DLG2: variants seen among roughly 807,000 people sequenced by gnomAD.
DLG2 encodes the protein discs large MAGUK scaffold protein 2.
In DLG2, 45 loss-of-function variants were observed where a neutral mutation model predicts 132.5. The observed-to-expected ratio is 0.34, with a 90% CI of 0.27 to 0.44. DLG2 has a LOEUF of 0.44. Ranked by LOEUF, DLG2 falls within the 20% of genes least tolerant of loss-of-function variation. The probability of loss-of-function intolerance (pLI) is 1.00; values close to 1 mark genes in which losing one functional copy is unlikely to be tolerated. For synonymous variants in DLG2, 424 were observed against 419.6 expected (o/e 1.01, Z -0.13); for missense variants, 1,045 against 1,196.9 (o/e 0.87, Z 1.87).
intron 6 of DLG2, among the ~76,000 whole-genome samples, chr11:84,589,804 T>C (rs2099538612): frequency 6.6e-6 from 1 of 152,228 alleles, no homozygotes; most frequent in Non-Finnish European, 1.5e-5. Flanking sequence ...TCAATGTTTA[T>C]GAGACAATTG....
intron 15 of DLG2, among the ~76,000 whole-genome samples, chr11:83,898,650 CAACTT>C (rs1436392898): frequency 6.6e-6 from 1 of 151,726 alleles, no homozygotes; most frequent in Non-Finnish European, 1.5e-5. Flanking sequence ...TTCCAATAAT[CAACTT>C]AACATTTATC....
At chr11:83,987,788 C>A (rs1318484559) in intron 11 of DLG2, among the ~76,000 whole-genome samples, 1 of 152,068 alleles carries the variant, frequency 6.6e-6, no homozygotes, top group African/African-American at 2.4e-5. Flanking sequence ...TAGGCATGGG[C>A]AAGGACTTTT....
At chr11:84,849,162 C>G (rs1018209948) in intron 6 of DLG2, among the ~76,000 whole-genome samples, 1 of 152,150 alleles carries the variant, frequency 6.6e-6, no homozygotes, top group East Asian at 1.9e-4. Flanking sequence ...TCTGAACCAA[C>G]AGTCAAACAG....
At chr11:84,615,128 T>C (rs893061131) in intron 6 of DLG2, among the ~76,000 whole-genome samples, 3 of 152,132 alleles carry the variant, frequency 2.0e-5, no homozygotes, top group South Asian at 4.1e-4. Flanking sequence ...TGTATGACAG[T>C]TATGTGAAAA....
chr11:84,862,855 T>G (rs993938223), intron 6 of DLG2, among the ~76,000 whole-genome samples: 2 of 148,568 alleles, frequency 1.3e-5, no homozygotes, highest in African/African-American at 2.5e-5. Context: ...GGAATAGCAT[T>G]AGGAGAAATA....
At chr11:84,853,904 GA>G (rs1246542483) in intron 6 of DLG2, among the ~76,000 whole-genome samples, 1 of 152,014 alleles carries the variant, frequency 6.6e-6, no homozygotes, top group African/African-American at 2.4e-5. Context: ...ATCCGAGTGG[GA>G]GTTAGATGAT....
intron 4 of DLG2, among the ~76,000 whole-genome samples, chr11:85,256,866 T>G (rs1002167477): frequency 1.3e-5 from 2 of 150,758 alleles, no homozygotes; most frequent in Non-Finnish European, 2.9e-5. Context: ...GCTCAAGAGA[T>G]AATTAATCAG....
chr11:85,207,446 C>T (rs912399398), intron 4 of DLG2, among the ~76,000 whole-genome samples: 1 of 152,164 alleles, frequency 6.6e-6, no homozygotes. Flanking sequence ...AAAACTACTC[C>T]TTCTATATTT....
At position 84,481,753 on chromosome 11, in the gene DLG2, A is replaced by T. The variant is rs373813966; in HGVS notation, c.519+52817T>A. 1.8e-4 allele frequency among the ~76,000 whole-genome samples: 28 copies of T among 152,222 alleles called. No individual in the cohort carries two copies. In the East Asian group the frequency reaches 2.3e-3, roughly 13 times the overall value. On this transcript the variant is annotated intron_variant, in intron 7 of 27. Transcript: ENST00000376104. Reference sequence around the variant, plus strand: ...TATAGCATTTTCTGCATTCTATCAAAATTGCTTATGTTTCTCTTTCCCCCA... The same window carrying T: ...TATAGCATTTTCTGCATTCTATCAATATTGCTTATGTTTCTCTTTCCCCCA...
chr11:85,141,514 C>T (rs138248224), intron 5 of DLG2, among the ~76,000 whole-genome samples: 1 of 151,540 alleles, frequency 6.6e-6, no homozygotes, highest in East Asian at 1.9e-4. Flanking sequence ...TAATTTGTCT[C>T]ATTTGTTGAT....
intron 9 of DLG2, among the ~76,000 whole-genome samples, chr11:84,149,895 T>C (rs1014367058): frequency 6.6e-6 from 1 of 152,016 alleles, no homozygotes; most frequent in Non-Finnish European, 1.5e-5. Flanking sequence ...GTAGCTGGGA[T>C]TACAGGCACA....
At chr11:84,556,636 G>T (rs1354038448) in intron 6 of DLG2, among the ~76,000 whole-genome samples, 1 of 152,204 alleles carries the variant, frequency 6.6e-6, no homozygotes, top group Non-Finnish European at 1.5e-5. Flanking sequence ...ACAGGCCGCA[G>T]GTTGGACAAG....
rs149365710 is a variant in DLG2, at chr11:84,335,397, G to A, written c.520-84106C>T. Among the ~76,000 whole-genome samples, 1,160 of 152,150 alleles carry A rather than the reference G, an allele frequency of 7.6e-3. 5 individuals are homozygous for A. The highest frequency in any genetic ancestry group is 8.5e-3 in the Non-Finnish European group (575 of 67,996). On this transcript the variant is annotated intron_variant, in intron 7 of 27. Transcript: ENST00000376104. ...GATAATCTTAAAAACAAAACACAAC[G>A]ACTCTCTGATTTTGATAGTAAGGTC... is the stretch of plus-strand genomic sequence containing the variant.
intron 11 of DLG2, among the ~76,000 whole-genome samples, chr11:84,053,071 T>C (rs1229568043): frequency 6.6e-6 from 1 of 152,028 alleles, no homozygotes; most frequent in East Asian, 1.9e-4. Flanking sequence ...CACCATGGAA[T>C]ACTATGCAGC....
At position 84,437,141 on chromosome 11, in the gene DLG2, T is replaced by C. The variant is rs1365063296; in HGVS notation, c.519+97429A>G. On this transcript the variant is annotated intron_variant, in intron 7 of 27. Transcript: ENST00000376104. ...GAATCTTAAGTCTCTGTGAAGACACTGTATCAGTTGATGATTTCACCACGC... is the reference window on the plus strand; with the variant it reads ...GAATCTTAAGTCTCTGTGAAGACACCGTATCAGTTGATGATTTCACCACGC... 2.0e-5 allele frequency among the ~76,000 whole-genome samples: 3 copies of C among 152,202 alleles called. No homozygotes were observed. The South Asian group carries it at 6.2e-4, about 32-fold the overall frequency.
At chr11:85,500,507 A>G (rs1290676580) in intron 3 of DLG2, among the ~76,000 whole-genome samples, 2 of 142,526 alleles carry the variant, frequency 1.4e-5, no homozygotes, top group Non-Finnish European at 3.0e-5. Flanking sequence ...TAACCTGCAC[A>G]ATGTGCACAT....
intron 7 of DLG2, among the ~76,000 whole-genome samples, chr11:84,507,847 T>C (rs77305064): frequency 6.6e-6 from 1 of 152,182 alleles, no homozygotes; most frequent in African/African-American, 2.4e-5. Context: ...TATTAACTTT[T>C]TGATGTGCTG....
intron 6 of DLG2, among the ~76,000 whole-genome samples, chr11:84,759,405 C>T (rs1163256648): frequency 6.6e-6 from 1 of 152,112 alleles, no homozygotes; most frequent in Non-Finnish European, 1.5e-5. Flanking sequence ...TTATGGTAAC[C>T]TCTCAATCAG....
At chr11:85,314,485 C>T (rs2080519522) in intron 3 of DLG2, among the ~76,000 whole-genome samples, 1 of 151,652 alleles carries the variant, frequency 6.6e-6, no homozygotes, top group Non-Finnish European at 1.5e-5. Context: ...TATACATGCA[C>T]ACACATATAC....
Sources: allele counts gnomAD v4.1 joint callset (sites outside exome capture counted in the v4.1 genomes callset), GRCh38; gene constraint gnomAD v4.1.1; transcripts MANE v1.5; gene names NCBI Gene and HGNC (gene_info 2026-07-23, HGNC 2026-07-21).